Variants in MYO16 observed in about 807,000 individuals in gnomAD.
MYO16 encodes myosin XVI.
In MYO16, 94 loss-of-function variants were observed where a neutral mutation model predicts 205.3. That is an observed-to-expected ratio of 0.46 (90% CI 0.39 to 0.54). MYO16 has a LOEUF of 0.54. Among genes scored for constraint, MYO16 ranks in the 20% least tolerant of loss-of-function variants. The probability of loss-of-function intolerance (pLI) is 0.00; values close to 1 mark genes in which losing one functional copy is unlikely to be tolerated. For missense variants in MYO16, 2,315 were observed against 2,387.5 expected (o/e 0.97, Z 0.63); for synonymous variants, 988 against 954.0 (o/e 1.04, Z -0.66).
At chr13:109,082,095 T>A (rs1445784787) in intron 27 of MYO16, among the ~76,000 whole-genome samples, 2 of 152,196 alleles carry the variant, frequency 1.3e-5, no homozygotes, top group Non-Finnish European at 2.9e-5. Flanking sequence ...CTGAGCTGGA[T>A]TGCTGTGCAC....
chr13:109,197,195 C>T (rs1034177518), intron 34 of MYO16, among the ~76,000 whole-genome samples: 2 of 152,190 alleles, frequency 1.3e-5, no homozygotes, highest in African/African-American at 4.8e-5. Context: ...GGACCACCCA[C>T]ACCCCATGTG....
intron 21 of MYO16, among the ~76,000 whole-genome samples, chr13:109,005,430 T>C (rs369754662): frequency 1.4e-4 from 21 of 152,328 alleles, no homozygotes; most frequent in African/African-American, 4.8e-4. Context: ...TTTTTGTTAC[T>C]ATTTGAATGT....
At chr13:108,590,442 C>T in the MYO16 span, among the ~76,000 whole-genome samples, 1 of 152,110 alleles carries the variant, frequency 6.6e-6, no homozygotes, top group Non-Finnish European at 1.5e-5. Context: ...CTCAGTGGAC[C>T]CCAGACTTTG....
chr13:108,536,762 T>C, the MYO16 span, among the ~76,000 whole-genome samples: 2 of 152,140 alleles, frequency 1.3e-5, no homozygotes, highest in South Asian at 4.1e-4. Context: ...AAGATATGTC[T>C]ATACAATAAG....
intron 3 of MYO16, among the ~76,000 whole-genome samples, chr13:108,721,492 G>T (rs1003146089): frequency 6.6e-6 from 1 of 152,118 alleles, no homozygotes; most frequent in African/African-American, 2.4e-5. Flanking sequence ...CAGGAGGGAT[G>T]ACATTTTGGG....
intron 15 of MYO16, among the ~76,000 whole-genome samples, chr13:108,902,018 G>C (rs1287399402): frequency 6.6e-6 from 1 of 152,136 alleles, no homozygotes; most frequent in Non-Finnish European, 1.5e-5. Flanking sequence ...GTAAAGTGTT[G>C]ACAAAACTAA....
chr13:108,780,345 A>C (rs1238975683), intron 4 of MYO16, among the ~76,000 whole-genome samples: 1 of 126,508 alleles, frequency 7.9e-6, no homozygotes, highest in Admixed American at 9.1e-5. Flanking sequence ...TCATAAAATT[A>C]CTGACGTCTG....
the MYO16 span, among the ~76,000 whole-genome samples, chr13:108,574,688 TGTGTGTGTGTGTGTGTGTGTGC>T: frequency 7.3e-6 from 1 of 137,690 alleles, no homozygotes; most frequent in African/African-American, 2.8e-5. Flanking sequence ...TGTGTGTGTG[TGTGTGTGTGTGTGTGTGTGTGC>T]GCTTGTGTGT....
chr13:108,948,777 G>C (rs908253136), intron 16 of MYO16, among the ~76,000 whole-genome samples: 2 of 152,204 alleles, frequency 1.3e-5, no homozygotes, highest in Non-Finnish European at 2.9e-5. Context: ...CTGTGATTTA[G>C]TCCATGGCTT....
the MYO16 span, among the ~76,000 whole-genome samples, chr13:108,525,493 T>C: frequency 4.6e-5 from 7 of 152,334 alleles, no homozygotes; most frequent in East Asian, 9.7e-4. Flanking sequence ...GGGATGACCC[T>C]GTGCATCTGG....
chr13:108,823,001 T>G, intron 8 of MYO16, 124 bp from the exon 9 acceptor site: 1 of 898,542 alleles, frequency 1.1e-6, no homozygotes. Flanking sequence ...TAAGGTTTTT[T>G]GTTTTGATTC....
In MYO16 at chr13:108,910,090, T is replaced by C; in HGVS notation, c.1865T>C (p.Met622Thr). The change falls in exon 16 of 35, where the codon ATG (methionine) becomes ACG (threonine). Residue 622 changes from methionine (M) to threonine (T), a missense_variant. Physicochemically the swap from Met to Thr is moderately conservative, Grantham distance 81 (BLOSUM62 -1). This residue lies in a region of MYO16 where 1,213 missense variants were observed against 1,274.4 expected (regional missense o/e 0.95). Coordinates refer to ENST00000457511, the MANE Select transcript of MYO16 (RefSeq NM_001198950.3). ...QSNFLIFYLL[M>T]DGLSAEEKYG... The stretch of plus-strand genomic sequence containing the variant: ...AATTTTCTCATTTTCTACTTGTTGA[T>C]GGATGGGTTATCTGCTGAAGAAAAA... The C allele has an allele frequency of 6.2e-7, 1 of 1,613,538 alleles. No homozygotes were observed. Among genetic ancestry groups the C allele is most frequent in the East Asian group, 2.2e-5 (1 of 44,820 alleles).
At chr13:109,192,895 G>T (rs1054681251) in intron 34 of MYO16, among the ~76,000 whole-genome samples, 2 of 152,120 alleles carry the variant, frequency 1.3e-5, no homozygotes, top group African/African-American at 4.8e-5. Flanking sequence ...TCATTTATTT[G>T]CTTAATATTT....
the MYO16 span, among the ~76,000 whole-genome samples, chr13:108,500,915 A>T: frequency 5.3e-4 from 81 of 152,182 alleles, no homozygotes; most frequent in East Asian, 7.9e-3. Flanking sequence ...GCCTCCTCTG[A>T]CACCTCTCCC....
intron 28 of MYO16, among the ~76,000 whole-genome samples, chr13:109,110,138 A>G (rs775546399): frequency 6.6e-6 from 1 of 152,254 alleles, no homozygotes; most frequent in Non-Finnish European, 1.5e-5. Context: ...GATGTAGGCC[A>G]TTTTGTTAAA....
chr13:108,634,656 A>G (rs538144953), intron 1 of MYO16, among the ~76,000 whole-genome samples: 2 of 151,546 alleles, frequency 1.3e-5, no homozygotes, highest in South Asian at 4.2e-4. Flanking sequence ...TACTTAAACC[A>G]CCTTTATGTG....
intron 20 of MYO16, among the ~76,000 whole-genome samples, chr13:108,974,549 G>T (rs1366134766): frequency 1.3e-5 from 2 of 152,052 alleles, no homozygotes; most frequent in Non-Finnish European, 2.9e-5. Context: ...CCTCAATGTT[G>T]TTCATAGTCT....
chr13:109,140,394 G>A lies in MYO16; in HGVS notation c.4182G>A (p.Gly1394=), dbSNP rs1245136078. 6.3e-7 allele frequency: 1 copy of A among 1,594,756 alleles called. No homozygotes were observed. Among genetic ancestry groups the A allele is most frequent in the African/African-American group, 1.4e-5 (1 of 73,856 alleles). Reference sequence around the variant, plus strand: ...AGGAGATATCGGGGTCCCGGCCCGGGGACGCGAGGCCCGCGGGCGCCCCGG... The same window carrying A: ...AGGAGATATCGGGGTCCCGGCCCGGAGACGCGAGGCCCGCGGGCGCCCCGG... ...SYEEISGSRP[G]DARPAGAPGA... is the part of the protein sequence containing the mutation. Residue 1394 remains glycine (G), a synonymous_variant, in exon 32 of 35, where the codon GGG becomes GGA. Transcript: ENST00000457511. This position sits in a 1 kb window ranked among gnomAD's most constrained non-coding sequence, Gnocchi z 8.0.
rs1887277352 is a variant in MYO16 at position 109,052,483 on chromosome 13, T to C, written c.3048+8T>C. 1 of 1,557,010 alleles carries C rather than the reference T, an allele frequency of 6.4e-7. No individual in the cohort carries two copies. The highest frequency in any genetic ancestry group is 1.2e-5 in the South Asian group (1 of 84,692). On this transcript the variant is annotated splice_region_variant and intron_variant, in intron 25 of 34. Transcript: ENST00000457511. ...TATCTAGAACTTAGTAAGGTAGGAG[T>C]TTTTATGATTATTGTTGGATTATTT...
Sources: allele counts gnomAD v4.1 joint callset (sites outside exome capture counted in the v4.1 genomes callset), GRCh38; gene constraint gnomAD v4.1.1; regional missense constraint gnomAD v4.1.1; non-coding constraint Gnocchi (gnomAD v3.1); transcripts MANE v1.5; gene names NCBI Gene and HGNC (gene_info 2026-07-23, HGNC 2026-07-21).